The following PTGIR variants were observed in gnomAD, a reference collection of about 807,000 sequenced individuals.
PTGIR encodes the protein prostaglandin I2 receptor.
Under a neutral mutation model 17.6 loss-of-function variants are expected in PTGIR, and 16 were observed. That is an observed-to-expected ratio of 0.91 (90% CI 0.61 to 1.38). The LOEUF is 1.38. Among genes scored for constraint, PTGIR ranks in the 40% most tolerant of loss-of-function variants. PTGIR has a pLI of 0.00. For synonymous variants in PTGIR, 274 were observed against 255.4 expected (o/e 1.07, Z -0.69); for missense variants, 532 against 548.6 (o/e 0.97, Z 0.30).
downstream of PTGIR, among the ~76,000 whole-genome samples, chr19:46,618,171 C>A (rs112921949): frequency 1.3e-5 from 2 of 151,932 alleles, no homozygotes; most frequent in Non-Finnish European, 2.9e-5. Flanking sequence ...CCCGCCACCA[C>A]GCCCGGCTAA....
chr19:46,617,539 C>T (rs1971979808), downstream of PTGIR, among the ~76,000 whole-genome samples: 1 of 152,172 alleles, frequency 6.6e-6, no homozygotes, highest in African/African-American at 2.4e-5. Flanking sequence ...CCTTAATCCT[C>T]ATCTGAAAAA....
chr19:46,618,014 A>ATTTT (rs56961349), downstream of PTGIR, among the ~76,000 whole-genome samples: 3 of 112,760 alleles, frequency 2.7e-5, no homozygotes, highest in African/African-American at 3.6e-5. Flanking sequence ...AATTTTTGTA[A>ATTTT]TTTTTTTTTT....
At chr19:46,619,546 A>AG (rs1491180778), downstream of PTGIR, among the ~76,000 whole-genome samples, 58 of 61,238 alleles carry the variant, frequency 9.5e-4, no homozygotes, top group African/African-American at 1.4e-3. Context: ...AGAAAGAAAG[A>AG]AAGAGAGAGA....
At chr19:46,622,112 T>G (rs977859259) in intron 2 of PTGIR, 3 of 985,448 alleles carry the variant, frequency 3.0e-6, no homozygotes, top group Non-Finnish European at 3.6e-6. Flanking sequence ...CGGCCTGGCC[T>G]CTTGCATTTT....
chr19:46,623,616 C>G lies in PTGIR; in HGVS notation c.610G>C (p.Gly204Arg). 1 of 1,549,754 alleles carries G rather than the reference C, an allele frequency of 6.5e-7. No homozygotes were observed. Among genetic ancestry groups the G allele is most frequent in the Non-Finnish European group, 8.7e-7 (1 of 1,147,764 alleles). Residue 204 changes from glycine (G) to arginine (R), a missense_variant, in exon 2 of 3, where the codon GGC becomes CGC. Coordinates refer to ENST00000291294, the MANE Select transcript of PTGIR (RefSeq NM_000960.4). Reference protein sequence around the residue: ...LLVAAIFLCNGSVTLSLCRMY... With the variant: ...LLVAAIFLCNRSVTLSLCRMY... ...CGGCAGAGGCTGAGGGTGACCGAGCCGTTGCAGAGGAAGATGGCAGCCACC... is the reference window on the plus strand; with the variant it reads ...CGGCAGAGGCTGAGGGTGACCGAGCGGTTGCAGAGGAAGATGGCAGCCACC...
chr19:46,619,898 C>T (rs886440591), downstream of PTGIR, among the ~76,000 whole-genome samples: 1 of 152,150 alleles, frequency 6.6e-6, no homozygotes, highest in African/African-American at 2.4e-5. Flanking sequence ...CCCTCCCCCA[C>T]CCTAAACGCC....
the PTGIR span, among the ~76,000 whole-genome samples, chr19:46,614,872 T>A: frequency 6.6e-6 from 1 of 152,078 alleles, no homozygotes; most frequent in African/African-American, 2.4e-5. Flanking sequence ...AATACAAAAA[T>A]TAGCCAGGCG....
rs1290560170 is a variant in PTGIR, at chr19:46,621,476, G to A, written c.965C>T (p.Pro322Leu). 6.2e-7 allele frequency: 1 copy of A among 1,614,068 alleles called. No individual in the cohort carries two copies. Among genetic ancestry groups the A allele is most frequent in the Admixed American group, 1.7e-5 (1 of 60,012 alleles). The change falls in exon 3 of 3, where the codon CCC becomes CTC. Residue 322 changes from proline to leucine, a missense_variant. By Grantham distance (98) the Pro-to-Leu change is moderately conservative (BLOSUM62 -3). Coordinates refer to ENST00000291294, the MANE Select transcript of PTGIR (RefSeq NM_000960.4). The surrounding 1 kb of genome is among the most constrained non-coding windows in gnomAD (Gnocchi z 4.8). Reference protein sequence around the residue: ...LGPAHGDSQTPLSQLASGRRD... With the variant: ...LGPAHGDSQTLLSQLASGRRD... Reference sequence around the variant, plus strand: ...CCTCCCTGAGGCGAGCTGGGAAAGGGGTGTCTGCGAGTCTCCGTGGGCAGG... The same window carrying A: ...CCTCCCTGAGGCGAGCTGGGAAAGGAGTGTCTGCGAGTCTCCGTGGGCAGG...
In PTGIR at chr19:46,623,993, T is replaced by C; in HGVS notation, c.233A>G (p.Asn78Ser). The stretch of plus-strand genomic sequence containing the variant: ...TCGGGCCAGGCCCAGCAGGGAGCTG[T>C]TGCGCGCATAGGCCACGAACACGGC... Reference protein sequence around the residue: ...SPAVFVAYARNSSLLGLARGG... With the variant: ...SPAVFVAYARSSSLLGLARGG... Residue 78 changes from asparagine to serine, a missense_variant, in exon 2 of 3, where the codon AAC (asparagine) becomes AGC (serine). By Grantham distance (46) the Asn-to-Ser change is conservative. Coordinates refer to ENST00000291294, the MANE Select transcript of PTGIR (RefSeq NM_000960.4). The C allele has an allele frequency of 6.4e-7, 1 of 1,559,488 alleles. No homozygotes were observed. Among genetic ancestry groups the C allele is most frequent in the Non-Finnish European group, 8.7e-7 (1 of 1,151,680 alleles).
At chr19:46,619,519 A>AG (rs1568675297), downstream of PTGIR, among the ~76,000 whole-genome samples, 8 of 48,746 alleles carry the variant, frequency 1.6e-4, no homozygotes, top group East Asian at 1.2e-3. Context: ...GAAAGAAAGA[A>AG]AGAAAGAAAG....
chr19:46,614,327 C>T, the PTGIR span: 56 of 943,800 alleles, frequency 5.9e-5, no homozygotes, highest in Non-Finnish European at 6.6e-5. Context: ...CCACGGAAGA[C>T]CCTGAAGAGC....
At chr19:46,617,276 G>C (rs958235461), downstream of PTGIR, among the ~76,000 whole-genome samples, 1 of 152,176 alleles carries the variant, frequency 6.6e-6, no homozygotes, top group South Asian at 2.1e-4. Flanking sequence ...GACAGGACCC[G>C]GGCAGCTGGC....
chr19:46,618,015 T>A (rs1326995535), downstream of PTGIR, among the ~76,000 whole-genome samples: 4 of 90,640 alleles, frequency 4.4e-5, no homozygotes, highest in Non-Finnish European at 8.5e-5. Context: ...ATTTTTGTAA[T>A]TTTTTTTTTT....
the PTGIR span, chr19:46,614,529 G>T: frequency 1.5e-6 from 1 of 653,380 alleles, no homozygotes; most frequent in Admixed American, 6.3e-5. Context: ...TAGGGCAGGC[G>T]CCTAGAGCAG....
At chr19:46,623,322 G>C (rs1013404644) in intron 2 of PTGIR, 136 bp downstream of exon 2, 1 of 1,094,112 alleles carries the variant, frequency 9.1e-7, no homozygotes, top group Non-Finnish European at 1.3e-6. Context: ...TACATGCTGG[G>C]ATTACAGGCG....
Position 46,621,711 on chromosome 19 carries a change from T to C in PTGIR, c.769-39A>G, listed in dbSNP as rs368894986. ...GAGGGCGTCAAGGAGCACCCAGGAG[T>C]CCTCAGCCTCCCCACCCTGGCTCCC... On this transcript the variant is annotated intron_variant, in intron 2 of 2. Transcript: ENST00000291294. The surrounding 1 kb of genome is among the most constrained non-coding windows in gnomAD (Gnocchi z 4.8). The C allele has an allele frequency of 1.3e-6, 2 of 1,572,018 alleles. No individual in the cohort carries two copies. The highest frequency in any genetic ancestry group is 1.7e-6 in the Non-Finnish European group (2 of 1,157,084).
chr19:46,624,373 G>T (rs11668478), intron 1 of PTGIR, 136 bp from the exon 2 acceptor site: 3 of 710,182 alleles, frequency 4.2e-6, no homozygotes, highest in South Asian at 4.7e-5. Context: ...CTGTGTGTGC[G>T]GGTATGCAGT....
chr19:46,620,875 C>T lies in PTGIR; in HGVS notation c.*405G>A. ...CTTGGTAGAGGGGGAGGGCCATCCC[C>T]TGGGGACTTGGGGTGGGCAGTTGGG... On this transcript the variant is annotated 3_prime_UTR_variant, in exon 3 of 3. Coordinates refer to ENST00000291294, the MANE Select transcript of PTGIR (RefSeq NM_000960.4). 1.0e-6 allele frequency: 1 copy of T among 992,668 alleles called. No homozygotes were observed. The highest frequency in any genetic ancestry group is 4.7e-5 in the South Asian group (1 of 21,364). 61.5% of individuals were successfully genotyped at this position (992,668 alleles called of 1,614,324 possible).
downstream of PTGIR, among the ~76,000 whole-genome samples, chr19:46,617,326 T>C (rs2871810): frequency 0.16 from 24,026 of 152,014 alleles, 2,200 homozygotes; most frequent in African/African-American, 0.25. Context: ...CAGGATCCCA[T>C]CTAGGAGGAG....
Sources: gnomAD v4.1 joint callset for allele counts (sites outside exome capture counted in the v4.1 genomes callset) on GRCh38, gnomAD v4.1.1 for gene constraint, Gnocchi (gnomAD v3.1) non-coding constraint, MANE v1.5 for transcripts, NCBI Gene and HGNC (gene_info 2026-07-23, HGNC 2026-07-21) for gene names.